The following CTNNA2 variants were observed in gnomAD, a reference collection of about 807,000 sequenced individuals.
The protein encoded by CTNNA2 is catenin alpha-2.
A neutral mutation model predicts 101.0 loss-of-function variants in CTNNA2; 42 were observed. The ratio of observed to expected loss-of-function variants is 0.42; its 90% CI spans 0.32 to 0.54. The LOEUF (loss-of-function observed/expected upper bound fraction) is 0.54, where lower values mean the gene tolerates loss of function less well. Ranked by LOEUF, CTNNA2 falls within the 20% of genes least tolerant of loss-of-function variation. The pLI is 0.14. For missense variants in CTNNA2, 871 were observed against 1,223.1 expected (o/e 0.71, Z 4.29); for synonymous variants, 450 against 456.4 (o/e 0.99, Z 0.18).
intron 7 of CTNNA2, among the ~76,000 whole-genome samples, chr2:79,940,695 A>G (rs1333885343): frequency 6.6e-6 from 1 of 152,168 alleles, no homozygotes; most frequent in East Asian, 1.9e-4. Context: ...TGTAGTGCAA[A>G]TGCAACCTGT....
At chr2:80,033,392 G>A (rs1343671825) in intron 7 of CTNNA2, among the ~76,000 whole-genome samples, 1 of 151,798 alleles carries the variant, frequency 6.6e-6, no homozygotes, top group African/African-American at 2.4e-5. Context: ...GGGCAACATG[G>A]TGGACTCTGT....
intron 1 of CTNNA2, among the ~76,000 whole-genome samples, chr2:79,561,119 C>T (rs1674752062): frequency 6.6e-6 from 1 of 151,880 alleles, no homozygotes; most frequent in African/African-American, 2.4e-5. Context: ...TTACTGTCTG[C>T]ACAGTGTTTC....
intron 4 of CTNNA2, among the ~76,000 whole-genome samples, chr2:79,406,597 G>C (rs565345651): frequency 6.6e-6 from 1 of 152,126 alleles, no homozygotes; most frequent in South Asian, 2.1e-4. Flanking sequence ...ATCAGTATCA[G>C]TTACTGATTA....
At chr2:80,518,511 C>G (rs1689276676) in intron 9 of CTNNA2, among the ~76,000 whole-genome samples, 1 of 152,162 alleles carries the variant, frequency 6.6e-6, no homozygotes, top group African/African-American at 2.4e-5. Context: ...AAGTTATATT[C>G]TGTTGAGTTT....
At chr2:80,059,663 C>T (rs564613599) in intron 7 of CTNNA2, among the ~76,000 whole-genome samples, 97 of 152,292 alleles carry the variant, frequency 6.4e-4, no homozygotes, top group African/African-American at 2.3e-3. Flanking sequence ...AATAAACTTC[C>T]TGGAGTCAAG....
At chr2:80,582,162 A>C (rs898653194) in intron 14 of CTNNA2, among the ~76,000 whole-genome samples, 1 of 152,268 alleles carries the variant, frequency 6.6e-6, no homozygotes, top group East Asian at 1.9e-4. Flanking sequence ...GCATTGGCAC[A>C]GTCACCATTG....
chr2:80,057,681 T>A (rs1397516124), intron 7 of CTNNA2, among the ~76,000 whole-genome samples: 1 of 152,178 alleles, frequency 6.6e-6, no homozygotes, highest in Non-Finnish European at 1.5e-5. Flanking sequence ...CTTTTGTCCC[T>A]TGATCATTTC....
intron 2 of CTNNA2, among the ~76,000 whole-genome samples, chr2:79,701,997 C>CAAAAAAA (rs58716617): frequency 1.3e-5 from 1 of 75,436 alleles, no homozygotes. Context: ...GACTCTGTCT[C>CAAAAAAA]AAAAAAAAAA....
chr2:79,997,050 C>T (rs986836183), intron 7 of CTNNA2, among the ~76,000 whole-genome samples: 3 of 152,114 alleles, frequency 2.0e-5, no homozygotes, highest in Non-Finnish European at 4.4e-5. Context: ...ATTTTACCCC[C>T]TCTCTTCTTC....
At chr2:80,278,320 A>ATAAC (rs1674086156) in intron 7 of CTNNA2, among the ~76,000 whole-genome samples, 1 of 152,186 alleles carries the variant, frequency 6.6e-6, no homozygotes, top group Non-Finnish European at 1.5e-5. Flanking sequence ...TAAAATTAAA[A>ATAAC]TAACTCATGA....
rs1344337236 is a variant in CTNNA2, at chr2:80,302,211, G to T, written c.1057-91000G>T. On this transcript the variant is annotated intron_variant, in intron 7 of 18. Coordinates refer to ENST00000402739, the MANE Select transcript of CTNNA2 (RefSeq NM_001282597.3). This position sits in a 1 kb window ranked among gnomAD's most constrained non-coding sequence, Gnocchi z 6.4. ...CCGCCGGCCCGTCCCGGCTGCCCAG[G>T]CGTATTTGGTAGCGCATGGGTTGAG... 15 of 1,586,504 alleles carry T rather than the reference G, an allele frequency of 9.5e-6. No individual in the cohort carries two copies. Among genetic ancestry groups the T allele is most frequent in the Admixed American group, 1.7e-5 (1 of 58,880 alleles).
chr2:79,982,297 CAT>C (rs1216369854), intron 7 of CTNNA2, among the ~76,000 whole-genome samples: 17 of 123,472 alleles, frequency 1.4e-4, no homozygotes, highest in South Asian at 4.8e-4. Context: ...ACATATATAA[CAT>C]ATATAAAACA....
At chr2:80,272,194 A>T (rs1355200399) in intron 7 of CTNNA2, among the ~76,000 whole-genome samples, 1 of 152,234 alleles carries the variant, frequency 6.6e-6, no homozygotes, top group Non-Finnish European at 1.5e-5. Context: ...CAGTTCACTA[A>T]ATTCGTTTAA....
intron 18 of CTNNA2, among the ~76,000 whole-genome samples, chr2:80,624,729 T>C (rs1671505889): frequency 6.6e-6 from 1 of 151,990 alleles, no homozygotes; most frequent in South Asian, 2.1e-4. Context: ...TTTTCTGCCG[T>C]TAATTTCAGT....
chr2:80,349,425 T>C (rs1317867611), intron 7 of CTNNA2, among the ~76,000 whole-genome samples: 2 of 152,154 alleles, frequency 1.3e-5, no homozygotes, highest in Non-Finnish European at 2.9e-5. Context: ...CTAAACTTGA[T>C]GCTGAAACCC....
intron 4 of CTNNA2, among the ~76,000 whole-genome samples, chr2:79,502,107 A>C (rs1221964300): frequency 6.6e-6 from 1 of 152,046 alleles, no homozygotes; most frequent in Non-Finnish European, 1.5e-5. Context: ...GATTTTAGCA[A>C]ACACCTGGGG....
chr2:79,966,388 A>G (rs1473579193), intron 7 of CTNNA2, among the ~76,000 whole-genome samples: 1 of 151,920 alleles, frequency 6.6e-6, no homozygotes, highest in African/African-American at 2.4e-5. Flanking sequence ...GGCCCCCTCC[A>G]CCACACCAAG....
chr2:79,834,724 A>G (rs559092676), intron 3 of CTNNA2, among the ~76,000 whole-genome samples: 22 of 151,756 alleles, frequency 1.4e-4, no homozygotes, highest in Non-Finnish European at 2.4e-4. Context: ...TAAAAATACA[A>G]TTAGTTGCAT....
At chr2:80,552,891 T>G (rs954237048) in intron 11 of CTNNA2, among the ~76,000 whole-genome samples, 4 of 152,148 alleles carry the variant, frequency 2.6e-5, no homozygotes, top group African/African-American at 9.7e-5. Context: ...TGCATGACTA[T>G]ATCTTAAAAT....
Sources: gnomAD v4.1 joint callset for allele counts (sites outside exome capture counted in the v4.1 genomes callset) on GRCh38, gnomAD v4.1.1 for gene constraint, Gnocchi (gnomAD v3.1) non-coding constraint, MANE v1.5 for transcripts, NCBI Gene and HGNC (gene_info 2026-07-23, HGNC 2026-07-21) for gene names.